LTBP2: variants seen among roughly 807,000 people sequenced by gnomAD.
LTBP2 encodes the protein latent transforming growth factor beta binding protein 2.
In LTBP2, 103 loss-of-function variants were observed where a neutral mutation model predicts 210.6. The ratio of observed to expected loss-of-function variants is 0.49; its 90% CI spans 0.42 to 0.58. The LOEUF is 0.58. Among genes scored for constraint, LTBP2 ranks in the 20% least tolerant of loss-of-function variants. LTBP2 has a pLI of 0.00. For synonymous variants in LTBP2, 1,007 were observed against 1,015.0 expected, an observed-to-expected ratio of 0.99 and a Z score of 0.15; for missense variants, 2,313 against 2,494.5, an observed-to-expected ratio of 0.93 and a Z score of 1.55.
In LTBP2 at chr14:74,498,449, GATTAAATA is replaced by G; in HGVS notation, c.*2427_*2434del. The G allele has an allele frequency of 4.8e-6, 1 of 210,484 alleles. No homozygotes were observed. Among genetic ancestry groups the G allele is most frequent in the Non-Finnish European group, 9.7e-6 (1 of 103,534 alleles). The allele number at this position is 210,484 out of a possible 1,614,324, so 13.0% of individuals were successfully genotyped here. On this transcript the variant is annotated 3_prime_UTR_variant, in exon 36 of 36. Coordinates refer to ENST00000261978, the MANE Select transcript of LTBP2 (RefSeq NM_000428.3). ...TGGAAACGTCTGTCAGTGAGGGACT[GATTAAATA>G]AATTATGGTTTATCCATTCAATGGA...
chr14:74,584,381 G>A (rs535249834), intron 3 of LTBP2, among the ~76,000 whole-genome samples: 1 of 152,232 alleles, frequency 6.6e-6, no homozygotes, highest in East Asian at 1.9e-4. Flanking sequence ...ATAAATAAAT[G>A]AATCCCACAA....
intron 2 of LTBP2, among the ~76,000 whole-genome samples, chr14:74,592,330 A>G (rs1434748542): frequency 3.3e-5 from 5 of 152,176 alleles, no homozygotes; most frequent in Non-Finnish European, 7.3e-5. Flanking sequence ...GCGAGTCTTC[A>G]TGTTTTGCCC....
At chr14:74,572,106 G>A (rs1478338691) in intron 3 of LTBP2, among the ~76,000 whole-genome samples, 2 of 152,152 alleles carry the variant, frequency 1.3e-5, no homozygotes, top group Admixed American at 6.5e-5. Context: ...TCTTCCCGGT[G>A]TCATCTGCAG....
In LTBP2 at chr14:74,503,320, C is replaced by CTGCACACAA; in HGVS notation, c.4786_4787insTTGTGTGCA (p.Cys1595_Ser1596insIleValCys). On this transcript the variant is annotated inframe_insertion, in exon 33 of 36. Transcript: ENST00000261978. ...GGTGCGGTGCCCACGCAGGGGTTCGCTGCACACATCATTGGTGACTTTTTT... is the reference window on the plus strand; with the variant it reads ...GGTGCGGTGCCCACGCAGGGGTTCGCTGCACACAATGCACACATCATTGGTGACTTTTTT... The CTGCACACAA allele has an allele frequency of 3.7e-6, 6 of 1,614,012 alleles. No individual in the cohort carries two copies. The highest frequency in any genetic ancestry group is 4.2e-6 in the Non-Finnish European group (5 of 1,180,016).
chr14:74,580,915 T>C (rs2088127773), intron 3 of LTBP2, among the ~76,000 whole-genome samples: 2 of 152,080 alleles, frequency 1.3e-5, no homozygotes, highest in Admixed American at 1.3e-4. Flanking sequence ...GCTGTGACAC[T>C]ACACTCCAGC....
At chr14:74,506,633 A>G (rs2086989159) in intron 27 of LTBP2, 65 bp downstream of exon 27, 2 of 1,602,110 alleles carry the variant, frequency 1.2e-6, no homozygotes, top group East Asian at 4.5e-5. Flanking sequence ...GGACCAGTTG[A>G]GGAGGAGGAC....
Position 74,533,608 on chromosome 14 carries a change from G to A in LTBP2, c.1865-1060C>T, listed in dbSNP as rs186080315. ...GACAGCAGGGGTCACAGTTAAGAGTGTGCAAAGGTTGAGGGTCAGAAGGGC... is the reference window on the plus strand; with the variant it reads ...GACAGCAGGGGTCACAGTTAAGAGTATGCAAAGGTTGAGGGTCAGAAGGGC... On this transcript the variant is annotated intron_variant, in intron 9 of 35. Coordinates refer to ENST00000261978, the MANE Select transcript of LTBP2 (RefSeq NM_000428.3). Among the ~76,000 whole-genome samples, 164 of 152,314 alleles carry A rather than the reference G, an allele frequency of 1.1e-3. 1 individual carries two copies. Among genetic ancestry groups the A allele is most frequent in the Admixed American group, 5.8e-3 (89 of 15,304 alleles).
chr14:74,502,722 G>A lies in LTBP2; in HGVS notation c.5101C>T (p.Arg1701Cys), dbSNP rs750497624. Residue 1701 changes from arginine to cysteine, a missense_variant, in exon 34 of 36, where the codon CGC becomes TGC. This residue lies in a region of LTBP2 where 443 missense variants were observed against 501.4 expected (regional missense o/e 0.88). Coordinates refer to ENST00000261978, the MANE Select transcript of LTBP2 (RefSeq NM_000428.3). ...AAAGGAGACTCAAGGATGGGTGTGC[G>A]GTCCGCTGAGTGACCGGCTGTGTTG... ...FPNTAGHSAD[R>C]TPILESPLQP... 18 of 1,614,076 alleles carry A rather than the reference G, an allele frequency of 1.1e-5. No individual in the cohort carries two copies. Among genetic ancestry groups the A allele is most frequent in the East Asian group, 2.2e-5 (1 of 44,886 alleles).
chr14:74,557,670 AG>A (rs2087746129), intron 3 of LTBP2, among the ~76,000 whole-genome samples: 1 of 152,126 alleles, frequency 6.6e-6, no homozygotes, highest in Non-Finnish European at 1.5e-5. Context: ...CTGTTCTAAA[AG>A]GCAGCCTCTG....
intron 18 of LTBP2, among the ~76,000 whole-genome samples, chr14:74,514,580 A>C (rs1276907899): frequency 2.0e-5 from 3 of 152,158 alleles, no homozygotes; most frequent in African/African-American, 7.2e-5. Flanking sequence ...GAAGGCACTC[A>C]GGCAGGGGCC....
chr14:74,611,471 CG>C lies in LTBP2; in HGVS notation c.473del (p.Pro158ArgfsTer122). On this transcript the variant is annotated frameshift_variant, in exon 1 of 36. Coordinates refer to ENST00000261978, the MANE Select transcript of LTBP2 (RefSeq NM_000428.3). LOFTEE classifies it high-confidence loss of function. ...CTCACCCCGTGAGCCGCCCTCGCGG[CG>C]GGGTTGGGGGCGCAGCCCCAGACCG... The part of the protein sequence containing the change: ...PQRSGAAPPT[P>X]PRGRLTGRNV... 1 of 1,494,688 alleles carries C rather than the reference CG, an allele frequency of 6.7e-7. No homozygotes were observed. The allele number at this position is 1,494,688 out of a possible 1,614,324, so 92.6% of individuals were successfully genotyped here. A position where few individuals can be genotyped will look rare whatever the true frequency, so the allele number is the denominator to read the frequency against.
At chr14:74,527,316 G>C in intron 13 of LTBP2, 31 bp downstream of exon 13, 1 of 1,608,666 alleles carries the variant, frequency 6.2e-7, no homozygotes, top group Non-Finnish European at 8.5e-7. Flanking sequence ...TGCCATGCTT[G>C]CCCGGCCCCC....
chr14:74,536,568 C>G (rs2087424627), intron 8 of LTBP2, among the ~76,000 whole-genome samples: 1 of 152,032 alleles, frequency 6.6e-6, no homozygotes, highest in African/African-American at 2.4e-5. Flanking sequence ...GTGTACCAGC[C>G]AGGCGCAGTG....
At chr14:74,507,354 G>C in intron 25 of LTBP2, 44 bp from the exon 26 acceptor site, 2 of 1,613,096 alleles carry the variant, frequency 1.2e-6, no homozygotes, top group Non-Finnish European at 1.7e-6. Context: ...AGGTGGCCAG[G>C]TCACTGCTGT....
chr14:74,611,650 T>C lies in LTBP2; in HGVS notation c.295A>G (p.Thr99Ala), dbSNP rs2088611923. The change falls in exon 1 of 36, where the codon ACC (threonine) becomes GCC (alanine). Residue 99 changes from threonine (T) to alanine (A), a missense_variant. Coordinates refer to ENST00000261978, the MANE Select transcript of LTBP2 (RefSeq NM_000428.3). ...GACGGCCTCCTGGCCTCCGCCTCGG[T>C]GGGCCTCCTGGGGCTCCCCCAGCCC... is the stretch of plus-strand genomic sequence containing the variant. ...QPGWGSPRRPTEAEARRPSRA... is the reference protein window; with the variant it reads ...QPGWGSPRRPAEAEARRPSRA... 6.4e-7 allele frequency: 1 copy of C among 1,556,338 alleles called. No individual in the cohort carries two copies. The highest frequency in any genetic ancestry group is 8.6e-7 in the Non-Finnish European group (1 of 1,156,914).
chr14:74,509,162 C>T, intron 22 of LTBP2, 76 bp downstream of exon 22: 1 of 1,604,596 alleles, frequency 6.2e-7, no homozygotes, highest in Admixed American at 1.7e-5. Context: ...CAGCAGCCCC[C>T]CACCTGCTGG....
chr14:74,593,457 G>A (rs896331308), intron 2 of LTBP2, among the ~76,000 whole-genome samples: 2 of 152,148 alleles, frequency 1.3e-5, no homozygotes, highest in South Asian at 4.1e-4. Context: ...CAGTGGCCTC[G>A]TCCACGATAT....
intron 18 of LTBP2, 125 bp from the exon 19 acceptor site, chr14:74,511,489 A>G: frequency 8.1e-7 from 1 of 1,232,196 alleles, no homozygotes; most frequent in Admixed American, 1.7e-5. Context: ...GAAACTAGGA[A>G]AGAATGAGAG....
rs770339258 is a variant in LTBP2, at chr14:74,504,997, G to A, written c.4355C>T (p.Pro1452Leu). The change falls in exon 29 of 36, where the codon CCG (proline) becomes CTG (leucine). Residue 1452 changes from proline (P) to leucine (L), a missense_variant. Physicochemically the swap from Pro to Leu is moderately conservative, Grantham distance 98. This residue lies in a region of LTBP2 where 3 missense variants were observed against 16.2 expected (regional missense o/e 0.18). Transcript: ENST00000261978. ...ASWGDACDLC[P>L]SEDSAEFSEI... ...TGGGGTCTTACCTGAGTCCTCAGACGGGCAGAGGTCACAGGCATCTCCCCA... is the reference window on the plus strand; with the variant it reads ...TGGGGTCTTACCTGAGTCCTCAGACAGGCAGAGGTCACAGGCATCTCCCCA... 5.7e-5 allele frequency: 92 copies of A among 1,614,164 alleles called. 1 individual carries two copies. Among genetic ancestry groups the A allele is most frequent in the South Asian group, 3.1e-4 (28 of 91,080 alleles).
Sources: gnomAD v4.1 joint callset for allele counts (sites outside exome capture counted in the v4.1 genomes callset) on GRCh38, gnomAD v4.1.1 for gene constraint, gnomAD v4.1.1 regional missense constraint, MANE v1.5 for transcripts, NCBI Gene and HGNC (gene_info 2026-07-23, HGNC 2026-07-21) for gene names.